MID1: variants seen among roughly 807,000 people sequenced by gnomAD.
The protein encoded by MID1 is midline 1, also known as E3 ubiquitin-protein ligase Midline-1.
A neutral mutation model predicts 40.4 loss-of-function variants in MID1; 7 were observed. That is an observed-to-expected ratio of 0.17 (90% CI 0.10 to 0.33). MID1 has a LOEUF of 0.33. Among genes scored for constraint, MID1 ranks in the 10% least tolerant of loss-of-function variants. MID1 has a pLI of 1.00. For synonymous variants in MID1, 229 were observed against 221.2 expected, an observed-to-expected ratio of 1.04 and a Z score of -0.31; for missense variants, 367 against 558.5, an observed-to-expected ratio of 0.66 and a Z score of 3.46.
At chrX:10,675,082 C>T (rs1279863199) in intron 1 of MID1, among the ~76,000 whole-genome samples, 2 of 111,712 alleles carry the variant, frequency 1.8e-5, no homozygotes, top group South Asian at 3.7e-4. Flanking sequence ...TTTGAATATT[C>T]TAATAAGCAC....
chrX:10,462,016 A>AGTCTT (rs1929072935), intron 7 of MID1, among the ~76,000 whole-genome samples: 1 of 112,119 alleles, frequency 8.9e-6, no homozygotes, highest in Admixed American at 9.5e-5. Context: ...TAAAATCCAA[A>AGTCTT]GTCTTAACCC....
chrX:10,482,205 C>T (rs752019176), intron 5 of MID1, among the ~76,000 whole-genome samples: 2 of 111,691 alleles, frequency 1.8e-5, no homozygotes, highest in Non-Finnish European at 3.8e-5. Flanking sequence ...CATAAGCTCC[C>T]CCCTCGTCCA....
At position 10,469,829 on chromosome X, in the gene MID1, G is replaced by C. The variant is rs200213912; in HGVS notation, c.1153C>G (p.Pro385Ala). The change falls in exon 7 of 10, where the codon CCC becomes GCC. Residue 385 changes from proline to alanine, a missense_variant. Physicochemically the swap from Pro to Ala is conservative, Grantham distance 27. Transcript: ENST00000317552. ...GTGCAGAGCTCTTCTCTAATTGTGGGAGGGTTGGGAGCTGTGGGGGTCAAG... is the reference window on the plus strand; with the variant it reads ...GTGCAGAGCTCTTCTCTAATTGTGGCAGGGTTGGGAGCTGTGGGGGTCAAG... ...CLDYLTAPNP[P>A]TIREELCTAS... 2.1e-5 allele frequency: 25 copies of C among 1,209,065 alleles called. No homozygotes were observed. Among genetic ancestry groups the C allele is most frequent in the Non-Finnish European group, 2.7e-5 (24 of 894,727 alleles).
chrX:10,638,285 G>C (rs1057304714), intron 1 of MID1, among the ~76,000 whole-genome samples: 3 of 111,850 alleles, frequency 2.7e-5, no homozygotes, highest in African/African-American at 9.7e-5. Flanking sequence ...ACAGCAACTG[G>C]AAAATCGGGA....
At chrX:10,506,476 A>T (rs1931846260) in intron 3 of MID1, 1 of 539,655 alleles carries the variant, frequency 1.9e-6, no homozygotes, top group Middle Eastern at 3.1e-4. Context: ...AACAGTACAG[A>T]ACATTCCAGC....
At chrX:10,795,499 T>G (rs180739064) in intron 1 of MID1, among the ~76,000 whole-genome samples, 41 of 112,242 alleles carry the variant, frequency 3.7e-4, no homozygotes, top group Non-Finnish European at 4.7e-4. Context: ...CATCCAGCAT[T>G]GCATGCCAAG....
chrX:10,550,506 G>A (rs1933864249), intron 2 of MID1, among the ~76,000 whole-genome samples: 1 of 110,585 alleles, frequency 9.0e-6, no homozygotes, highest in Non-Finnish European at 1.9e-5. Context: ...CTGCTTCCAG[G>A]CTGCCAGGCT....
At chrX:10,643,192 C>T (rs1238051856) in intron 1 of MID1, among the ~76,000 whole-genome samples, 4 of 111,012 alleles carry the variant, frequency 3.6e-5, no homozygotes, top group Non-Finnish European at 7.5e-5. Flanking sequence ...AGAGCTTCTG[C>T]ACAGCAAAAG....
chrX:10,719,196 G>A (rs1481557964), intron 1 of MID1, among the ~76,000 whole-genome samples: 3 of 110,825 alleles, frequency 2.7e-5, no homozygotes, highest in Admixed American at 1.9e-4. Flanking sequence ...GTTCTGGCCA[G>A]GGCAATCAGG....
intron 2 of MID1, among the ~76,000 whole-genome samples, chrX:10,533,183 T>C (rs1280746560): frequency 9.1e-6 from 1 of 110,051 alleles, no homozygotes; most frequent in Admixed American, 9.9e-5. Flanking sequence ...TTGTTTACTG[T>C]TGCTTTCACA....
intron 1 of MID1, among the ~76,000 whole-genome samples, chrX:10,780,047 T>C (rs1360572098): frequency 9.1e-6 from 1 of 109,892 alleles, no homozygotes; most frequent in Non-Finnish European, 1.9e-5. Context: ...ATCCTCCGCC[T>C]CCCAGGTTCC....
At chrX:10,746,075 T>C (rs2043554971) in intron 1 of MID1, among the ~76,000 whole-genome samples, 1 of 111,698 alleles carries the variant, frequency 9.0e-6, no homozygotes, top group African/African-American at 3.3e-5. Context: ...AGAGCTAATA[T>C]TTGATACGGG....
chrX:10,700,101 C>T (rs1399245140), intron 1 of MID1, among the ~76,000 whole-genome samples: 2 of 111,051 alleles, frequency 1.8e-5, no homozygotes, highest in South Asian at 3.8e-4. Context: ...AGATTACAGG[C>T]GTGAGCCACC....
intron 3 of MID1, among the ~76,000 whole-genome samples, chrX:10,500,944 A>G (rs1931509973): frequency 8.9e-6 from 1 of 111,840 alleles, no homozygotes. Flanking sequence ...GTGGTGGGTA[A>G]TTACTGTCTC....
At chrX:10,721,943 T>G (rs1334699232) in intron 1 of MID1, among the ~76,000 whole-genome samples, 1 of 110,983 alleles carries the variant, frequency 9.0e-6, no homozygotes, top group African/African-American at 3.3e-5. Flanking sequence ...ACGACCTTCT[T>G]CTGCAGGGTA....
chrX:10,728,209 G>A (rs916679), intron 1 of MID1, among the ~76,000 whole-genome samples: 11,238 of 110,343 alleles, frequency 0.1, 1,391 homozygotes, highest in African/African-American at 0.35. Flanking sequence ...AGGAAAAAAC[G>A]TAGGCTGCAA....
intron 1 of MID1, among the ~76,000 whole-genome samples, chrX:10,669,230 TAAAAAAAA>T (rs761817483): frequency 4.8e-3 from 226 of 46,998 alleles, no homozygotes; most frequent in African/African-American, 0.015. Context: ...CGTCTCAAAA[TAAAAAAAA>T]AAAAAAAAAA....
chrX:10,460,528 T>C lies in MID1; in HGVS notation c.1286-721A>G, dbSNP rs186059870. On this transcript the variant is annotated intron_variant, in intron 7 of 9. Transcript: ENST00000317552. Reference sequence around the variant, plus strand: ...GCTGGTTGATGGCTGAAAACATCTCTTTGGTATCAGGTCCAACTCCCCTCT... The same window carrying C: ...GCTGGTTGATGGCTGAAAACATCTCCTTGGTATCAGGTCCAACTCCCCTCT... Among the ~76,000 whole-genome samples, 8 of 111,367 alleles carry C rather than the reference T, an allele frequency of 7.2e-5. No homozygotes were observed. The East Asian group carries it at 2.0e-3, about 28-fold the overall frequency.
rs183061589 is a variant in MID1 at position 10,592,849 on chromosome X, C to A, written c.-56-25246G>T. 6.6e-3 allele frequency among the ~76,000 whole-genome samples: 736 copies of A among 111,823 alleles called. 6 individuals carry two copies. Among genetic ancestry groups the A allele is most frequent in the African/African-American group, 0.023 (709 of 30,831 alleles). Reference sequence around the variant, plus strand: ...AAAAATCCTAATTGAAACATTTCTACAATGCTTGAGTCCACTTTACTTGCA... The same window carrying A: ...AAAAATCCTAATTGAAACATTTCTAAAATGCTTGAGTCCACTTTACTTGCA... On this transcript the variant is annotated intron_variant, in intron 1 of 9. Coordinates refer to ENST00000317552, the MANE Select transcript of MID1 (RefSeq NM_000381.4).
Sources: allele counts gnomAD v4.1 joint callset (sites outside exome capture counted in the v4.1 genomes callset), GRCh38; gene constraint gnomAD v4.1.1; transcripts MANE v1.5; gene names NCBI Gene and HGNC (gene_info 2026-07-23, HGNC 2026-07-21).